Variants in CPED1 observed in about 807,000 individuals in gnomAD.
The protein encoded by CPED1 is cadherin-like and PC-esterase domain-containing protein 1.
Under a neutral mutation model 128.2 loss-of-function variants are expected in CPED1, and 114 were observed. The ratio of observed to expected loss-of-function variants is 0.89; its 90% CI spans 0.76 to 1.04. The LOEUF is 1.04. CPED1 is among the 50% of genes least tolerant of loss of function. CPED1 has a pLI of 0.00. For missense variants in CPED1, 1,211 were observed against 1,207.1 expected (o/e 1.00, Z -0.05); for synonymous variants, 462 against 426.7 (o/e 1.08, Z -1.02).
intron 16 of CPED1, among the ~76,000 whole-genome samples, chr7:121,205,456 A>G (rs1797496338): frequency 6.6e-6 from 1 of 151,954 alleles, no homozygotes; most frequent in Non-Finnish European, 1.5e-5. Context: ...AGGAAACTCC[A>G]TTTTATGTAC....
At chr7:121,254,204 A>G (rs1798752800) in intron 18 of CPED1, among the ~76,000 whole-genome samples, 1 of 152,104 alleles carries the variant, frequency 6.6e-6, no homozygotes, top group Non-Finnish European at 1.5e-5. Context: ...AATCATACAA[A>G]GCACATTCTC....
At chr7:121,242,799 T>A (rs956157278) in intron 17 of CPED1, among the ~76,000 whole-genome samples, 1 of 152,158 alleles carries the variant, frequency 6.6e-6, no homozygotes, top group Non-Finnish European at 1.5e-5. Context: ...CATACTTTTC[T>A]CATCTCCTTT....
At position 120,989,804 on chromosome 7, in the gene CPED1, C is replaced by T; in HGVS notation, c.183C>T (p.Cys61=). The T allele has an allele frequency of 6.2e-7, 1 of 1,614,054 alleles. No individual in the cohort carries two copies. The highest frequency in any genetic ancestry group is 2.2e-5 in the East Asian group (1 of 44,858). ...HTSTETQASR[C]KKGFSQDKQC... ...CCACTGAAACCCAGGCAAGCAGATG[C>T]AAGAAAGGATTCTCTCAGGACAAAC... is the stretch of plus-strand genomic sequence containing the variant. The change falls in exon 2 of 23, where the codon TGC becomes TGT. Residue 61 remains cysteine (C), a synonymous_variant. Transcript: ENST00000310396.
intron 5 of CPED1, among the ~76,000 whole-genome samples, chr7:121,084,245 A>G (rs1302378388): frequency 6.6e-6 from 1 of 152,188 alleles, no homozygotes; most frequent in Non-Finnish European, 1.5e-5. Flanking sequence ...ATATTCATTG[A>G]CACCTGGTTG....
intron 5 of CPED1, among the ~76,000 whole-genome samples, chr7:121,072,187 A>C (rs1329303434): frequency 7.4e-6 from 1 of 135,384 alleles, no homozygotes; most frequent in East Asian, 1.9e-4. Context: ...TTCCTATACA[A>C]AAAAAAAAAA....
intron 16 of CPED1, among the ~76,000 whole-genome samples, chr7:121,172,465 A>G (rs1796668429): frequency 6.6e-6 from 1 of 151,982 alleles, no homozygotes; most frequent in Non-Finnish European, 1.5e-5. Flanking sequence ...CATGACACTT[A>G]AAGATTATAG....
At chr7:121,096,532 T>C (rs1156513709) in intron 5 of CPED1, among the ~76,000 whole-genome samples, 1 of 152,152 alleles carries the variant, frequency 6.6e-6, no homozygotes, top group Non-Finnish European at 1.5e-5. Context: ...AAATTTGCAG[T>C]GCGTTTACCA....
At chr7:121,107,583 A>C (rs1795008535) in intron 7 of CPED1, among the ~76,000 whole-genome samples, 2 of 152,120 alleles carry the variant, frequency 1.3e-5, no homozygotes, top group African/African-American at 4.8e-5. Context: ...TCCTTTACAA[A>C]GTGGTATGTG....
intron 22 of CPED1, among the ~76,000 whole-genome samples, chr7:121,287,304 C>T (rs1792603577): frequency 6.6e-6 from 1 of 152,086 alleles, no homozygotes; most frequent in Non-Finnish European, 1.5e-5. Flanking sequence ...CTCACACACT[C>T]ATACACGAGA....
At chr7:121,294,985 C>A (rs929135828) in intron 22 of CPED1, among the ~76,000 whole-genome samples, 1 of 152,062 alleles carries the variant, frequency 6.6e-6, no homozygotes, top group African/African-American at 2.4e-5. Context: ...AAAATTTTTT[C>A]TTTTCTCTGA....
intron 4 of CPED1, chr7:121,061,011 A>G (rs1793654752): frequency 6.6e-6 from 1 of 152,134 alleles, no homozygotes; most frequent in African/African-American, 2.4e-5. Context: ...GAAGGTCTGC[A>G]GCTTCACTCC....
At chr7:121,016,142 C>T (rs1792296158) in intron 3 of CPED1, among the ~76,000 whole-genome samples, 1 of 152,092 alleles carries the variant, frequency 6.6e-6, no homozygotes, top group South Asian at 2.1e-4. Context: ...AGACTGAATA[C>T]ATGTTCTGCC....
At chr7:121,042,743 A>G (rs993009417) in intron 3 of CPED1, among the ~76,000 whole-genome samples, 2 of 152,228 alleles carry the variant, frequency 1.3e-5, no homozygotes, top group East Asian at 3.8e-4. Flanking sequence ...ATGAGATAAT[A>G]CAAATATGTG....
At position 121,097,727 on chromosome 7, in the gene CPED1, G is replaced by A. The variant is rs139617183; in HGVS notation, c.645G>A (p.Val215=). The A allele has an allele frequency of 4.2e-5, 68 of 1,613,714 alleles. No individual in the cohort carries two copies. In the African/African-American group the frequency reaches 8.9e-4, roughly 21 times the overall value. The change falls in exon 6 of 23, where the codon GTG becomes GTA. Residue 215 remains valine, a synonymous_variant. Coordinates refer to ENST00000310396, the MANE Select transcript of CPED1 (RefSeq NM_024913.5). ...PELQLPVSPS[V]CLDQGMQLKP... ...TGCAACTTCCAGTGAGTCCCTCTGT[G>A]TGTCTGGATCAGGGAATGCAATTAA...
At chr7:121,097,197 TC>T (rs1794721132) in intron 5 of CPED1, among the ~76,000 whole-genome samples, 1 of 152,172 alleles carries the variant, frequency 6.6e-6, no homozygotes, top group South Asian at 2.1e-4. Flanking sequence ...TACCTTAAAA[TC>T]CAATAATTAA....
At chr7:121,078,498 G>GAAAAAAAAA (rs529856618) in intron 5 of CPED1, among the ~76,000 whole-genome samples, 8 of 101,876 alleles carry the variant, frequency 7.9e-5, no homozygotes, top group Non-Finnish European at 1.1e-4. Context: ...AAGAAAGAAA[G>GAAAAAAAAA]AAAAAAAAAA....
At chr7:121,101,857 C>A (rs1223956571) in intron 7 of CPED1, among the ~76,000 whole-genome samples, 1 of 152,100 alleles carries the variant, frequency 6.6e-6, no homozygotes, top group Non-Finnish European at 1.5e-5. Context: ...CCAAGCCATT[C>A]ATGAGTGATC....
At position 121,059,531 on chromosome 7, in the gene CPED1, G is replaced by A. The variant is rs567325775; in HGVS notation, c.541-4707G>A. On this transcript the variant is annotated intron_variant, in intron 4 of 22. Transcript: ENST00000310396. ...ATGTGTGTGTCACTCTTAATGTTCAGGAACAATAAAAAAAATCAGTTTCTT... is the reference window on the plus strand; with the variant it reads ...ATGTGTGTGTCACTCTTAATGTTCAAGAACAATAAAAAAAATCAGTTTCTT... Among the ~76,000 whole-genome samples the A allele has an allele frequency of 1.2e-4, 18 of 152,056 alleles. No individual in the cohort carries two copies. The South Asian group carries it at 3.1e-3, about 26-fold the overall frequency.
intron 10 of CPED1, 126 bp downstream of exon 10, chr7:121,127,383 C>T (rs1444670439): frequency 1.8e-6 from 1 of 545,972 alleles, no homozygotes; most frequent in Non-Finnish European, 3.1e-6. Context: ...TATTATATCA[C>T]ACTTCTTAAT....
Sources: allele counts gnomAD v4.1 joint callset (sites outside exome capture counted in the v4.1 genomes callset), GRCh38; gene constraint gnomAD v4.1.1; transcripts MANE v1.5; gene names NCBI Gene and HGNC (gene_info 2026-07-23, HGNC 2026-07-21).